Variants in ZC3H12C observed in about 807,000 individuals in gnomAD.
The protein encoded by ZC3H12C is probable ribonuclease ZC3H12C.
Under a neutral mutation model 76.3 loss-of-function variants are expected in ZC3H12C, and 20 were observed. The observed-to-expected ratio is 0.26, with a 90% CI of 0.18 to 0.38. The LOEUF (loss-of-function observed/expected upper bound fraction) is 0.38, where lower values mean the gene tolerates loss of function less well. ZC3H12C is among the 10% of genes least tolerant of loss of function. The pLI, the probability that ZC3H12C is intolerant of heterozygous loss-of-function variation, is 1.00. For synonymous variants in ZC3H12C, 352 were observed against 399.6 expected (o/e 0.88, Z 1.42); for missense variants, 874 against 1,086.5 (o/e 0.80, Z 2.75).
rs201741309 is a variant in ZC3H12C at position 110,165,373 on chromosome 11, G to A, written c.2288G>A (p.Arg763Gln). 1.3e-4 allele frequency: 207 copies of A among 1,613,828 alleles called. No individual in the cohort carries two copies. Among genetic ancestry groups the A allele is most frequent in the Non-Finnish European group, 1.7e-4 (199 of 1,179,878 alleles). Residue 763 changes from arginine (R) to glutamine (Q), a missense_variant, in exon 6 of 6, where the codon CGA (arginine) becomes CAA (glutamine). By Grantham distance (43) the Arg-to-Gln change is conservative (BLOSUM62 1). Around this residue, in one of 3 missense-constraint regions of ZC3H12C, gnomAD observed 395 missense variants for 434.4 expected, o/e 0.91. Coordinates refer to ENST00000278590, the MANE Select transcript of ZC3H12C (RefSeq NM_033390.2). ...DSRLYDSSPSRQRKPYSRQEG... is the reference protein window; with the variant it reads ...DSRLYDSSPSQQRKPYSRQEG... Reference sequence around the variant, plus strand: ...CGACTTTATGACAGTTCTCCTTCACGACAAAGAAAGCCTTATTCCCGCCAG... The same window carrying A: ...CGACTTTATGACAGTTCTCCTTCACAACAAAGAAAGCCTTATTCCCGCCAG...
At position 110,164,930 on chromosome 11, in the gene ZC3H12C, A is replaced by G; in HGVS notation, c.1845A>G (p.Thr615=). The G allele has an allele frequency of 6.2e-7, 1 of 1,614,050 alleles. No individual in the cohort carries two copies. The highest frequency in any genetic ancestry group is 8.5e-7 in the Non-Finnish European group (1 of 1,179,896). ...CTGAAAGGCGTTTCTCCTTAGACAC[A>G]GATTATAGAATAAGTTCCGTAGCTT... ...RSPERRFSLD[T]DYRISSVASD... Residue 615 remains threonine (T), a synonymous_variant, in exon 6 of 6, where the codon ACA becomes ACG. Transcript: ENST00000278590. This position sits in a 1 kb window ranked among gnomAD's most constrained non-coding sequence, Gnocchi z 5.7.
intron 1 of ZC3H12C, among the ~76,000 whole-genome samples, chr11:110,121,549 G>A (rs999291123): frequency 6.6e-6 from 1 of 151,942 alleles, no homozygotes; most frequent in Non-Finnish European, 1.5e-5. Flanking sequence ...GAAAAGTTTT[G>A]TTATAAACTT....
At chr11:110,124,384 A>G (rs150553362) in intron 1 of ZC3H12C, 1 of 152,198 alleles carries the variant, frequency 6.6e-6, no homozygotes, top group East Asian at 1.9e-4. Context: ...TCACTTGAAG[A>G]TCTTCTAGAG....
chr11:110,102,497 G>T (rs77703834), intron 1 of ZC3H12C, among the ~76,000 whole-genome samples: 2,213 of 152,206 alleles, frequency 0.015, 18 homozygotes, highest in Non-Finnish European at 0.023. Flanking sequence ...ATGAGGAGTT[G>T]TGTCTTCTGG....
At chr11:110,094,278 A>G (rs1861073436) in intron 1 of ZC3H12C, among the ~76,000 whole-genome samples, 1 of 152,210 alleles carries the variant, frequency 6.6e-6, no homozygotes, top group Admixed American at 6.5e-5. Context: ...AAGTTTTCCT[A>G]TTGGTTGACA....
At chr11:110,104,197 G>A (rs920614233) in intron 1 of ZC3H12C, among the ~76,000 whole-genome samples, 29 of 151,512 alleles carry the variant, frequency 1.9e-4, no homozygotes, top group African/African-American at 6.3e-4. Context: ...CCAGCTACCC[G>A]ACAGGCATGC....
intron 1 of ZC3H12C, among the ~76,000 whole-genome samples, chr11:110,132,215 T>G (rs976280225): frequency 1.6e-4 from 24 of 152,088 alleles, no homozygotes; most frequent in African/African-American, 5.8e-4. Context: ...ATGAGGCTCT[T>G]TAGAATAGAA....
intron 1 of ZC3H12C, among the ~76,000 whole-genome samples, chr11:110,128,004 T>A (rs1372277276): frequency 6.6e-6 from 1 of 151,990 alleles, no homozygotes; most frequent in Admixed American, 6.5e-5. Context: ...CAAAGCTTAC[T>A]TGTTTCACAT....
chr11:110,111,193 C>T (rs544652257), intron 1 of ZC3H12C, among the ~76,000 whole-genome samples: 33 of 152,202 alleles, frequency 2.2e-4, no homozygotes, highest in Middle Eastern at 3.4e-3. Flanking sequence ...GCATTCCTCA[C>T]GATAACAGGT....
chr11:110,102,328 A>G (rs1861231840), intron 1 of ZC3H12C, among the ~76,000 whole-genome samples: 1 of 150,862 alleles, frequency 6.6e-6, no homozygotes, highest in Non-Finnish European at 1.5e-5. Flanking sequence ...GGAATTTGGA[A>G]GAAGTTGACT....
Position 110,152,861 on chromosome 11 carries a change from T to C in ZC3H12C, c.774-58T>C, listed in dbSNP as rs1862300411. 3.9e-6 allele frequency: 6 copies of C among 1,548,888 alleles called. No individual in the cohort carries two copies. In the East Asian group the frequency reaches 1.2e-4, roughly 30 times the overall value. ...AATACTTTCTGTTTATAAACTTGAA[T>C]TAATTTACTTAAATTTAGGTTTTGT... On this transcript the variant is annotated intron_variant, in intron 2 of 5. Coordinates refer to ENST00000278590, the MANE Select transcript of ZC3H12C (RefSeq NM_033390.2).
chr11:110,136,790 C>G lies in ZC3H12C; in HGVS notation c.149C>G (p.Thr50Ser), dbSNP rs777746568. 4 of 1,613,940 alleles carry G rather than the reference C, an allele frequency of 2.5e-6. No homozygotes were observed. In the South Asian group the frequency reaches 4.4e-5, roughly 18 times the overall value. Residue 50 changes from threonine to serine, a missense_variant, in exon 2 of 6, where the codon ACT (threonine) becomes AGT (serine). Transcript: ENST00000278590. ...CTCGGCCACCTTTATGTGGAGAGCA[C>G]TGACCCACAGTTAAGTCCAGCTGTA... is the stretch of plus-strand genomic sequence containing the variant. The part of the protein sequence containing the change: ...HDLGHLYVES[T>S]DPQLSPAVPW...
intron 1 of ZC3H12C, among the ~76,000 whole-genome samples, chr11:110,112,062 A>G (rs960534063): frequency 1.3e-5 from 2 of 152,232 alleles, no homozygotes; most frequent in Non-Finnish European, 2.9e-5. Context: ...TCCACAGACC[A>G]GGAACATACT....
At chr11:110,097,558 TAATG>T (rs2134140292) in intron 1 of ZC3H12C, among the ~76,000 whole-genome samples, 1 of 152,360 alleles carries the variant, frequency 6.6e-6, no homozygotes, top group South Asian at 2.1e-4. Context: ...GTACATGTAT[TAATG>T]CATTTAATGC....
At chr11:110,128,719 A>G (rs771221658) in intron 1 of ZC3H12C, among the ~76,000 whole-genome samples, 1 of 152,152 alleles carries the variant, frequency 6.6e-6, no homozygotes, top group Non-Finnish European at 1.5e-5. Flanking sequence ...AGTTGTAACT[A>G]CTTTGTGTGG....
chr11:110,132,033 C>T (rs1861876224), intron 1 of ZC3H12C, among the ~76,000 whole-genome samples: 1 of 152,172 alleles, frequency 6.6e-6, no homozygotes, highest in African/African-American at 2.4e-5. Context: ...TAATTAAATA[C>T]ACAGAGACTG....
intron 2 of ZC3H12C, among the ~76,000 whole-genome samples, chr11:110,152,413 A>C (rs771043931): frequency 6.6e-6 from 1 of 152,224 alleles, no homozygotes; most frequent in East Asian, 1.9e-4. Context: ...GTTGTTTTAC[A>C]TTGGTCACCT....
chr11:110,094,138 A>G (rs1490953764), intron 1 of ZC3H12C, among the ~76,000 whole-genome samples: 1 of 152,238 alleles, frequency 6.6e-6, no homozygotes, highest in Non-Finnish European at 1.5e-5. Context: ...CAAGTCCTTA[A>G]AAACAGCCCT....
chr11:110,104,442 C>A (rs757720110), intron 1 of ZC3H12C, among the ~76,000 whole-genome samples: 1 of 152,140 alleles, frequency 6.6e-6, no homozygotes, highest in African/African-American at 2.4e-5. Context: ...CTGACATGAT[C>A]GTTCCCTCCC....
Sources: gnomAD v4.1 joint callset for allele counts (sites outside exome capture counted in the v4.1 genomes callset) on GRCh38, gnomAD v4.1.1 for gene constraint, gnomAD v4.1.1 regional missense constraint, Gnocchi (gnomAD v3.1) non-coding constraint, MANE v1.5 for transcripts, NCBI Gene and HGNC (gene_info 2026-07-23, HGNC 2026-07-21) for gene names.